Variants in PDZD8 observed in about 807,000 individuals in gnomAD.
PDZD8 encodes PDZ domain-containing protein 8.
A neutral mutation model predicts 85.8 loss-of-function variants in PDZD8; 14 were observed. The ratio of observed to expected loss-of-function variants is 0.16; its 90% CI spans 0.11 to 0.26. The LOEUF (loss-of-function observed/expected upper bound fraction) is 0.26, where lower values mean the gene tolerates loss of function less well. Among genes scored for constraint, PDZD8 ranks in the 10% least tolerant of loss-of-function variants. The probability of loss-of-function intolerance (pLI) is 1.00; values close to 1 mark genes in which losing one functional copy is unlikely to be tolerated. For synonymous variants in PDZD8, 592 were observed against 568.6 expected (o/e 1.04, Z -0.59); for missense variants, 1,197 against 1,424.3 (o/e 0.84, Z 2.57).
At position 117,333,137 on chromosome 10, in the gene PDZD8, A is replaced by AAAC. The variant is rs1564703077; in HGVS notation, c.995+7842_995+7843insGTT. On this transcript the variant is annotated intron_variant, in intron 2 of 4. Transcript: ENST00000334464. ...TGTCTCAAAAAAAAAAAAAAAAAAA[A>AAAC]AAAAAAGGGGATATGGAGGCAGAAT... Among the ~76,000 whole-genome samples, 336 of 149,210 alleles carry AAAC rather than the reference A, an allele frequency of 2.3e-3. 3 individuals carry two copies. Among genetic ancestry groups the AAAC allele is most frequent in the African/African-American group, 7.7e-3 (312 of 40,490 alleles).
At chr10:117,312,708 T>C (rs1480693148) in intron 3 of PDZD8, among the ~76,000 whole-genome samples, 2 of 152,212 alleles carry the variant, frequency 1.3e-5, no homozygotes, top group Non-Finnish European at 2.9e-5. Context: ...TTTGTATTTA[T>C]ATGCTTCCAT....
Position 117,374,245 on chromosome 10 carries a change from CA to C in PDZD8, c.872+110del. The C allele has an allele frequency of 6.7e-7, 1 of 1,497,062 alleles. No homozygotes were observed. Among genetic ancestry groups the C allele is most frequent in the African/African-American group, 1.4e-5 (1 of 72,268 alleles). 92.7% of individuals were successfully genotyped at this position (1,497,062 alleles called of 1,614,324 possible). On this transcript the variant is annotated intron_variant, in intron 1 of 4. Transcript: ENST00000334464. The surrounding 1 kb of genome is among the most constrained non-coding windows in gnomAD (Gnocchi z 7.8). ...GGCCCTGTCCAGGGTGGGAAGGCCC[CA>C]GAAGCAGGCGCCAGGACAGAAATGA...
intron 2 of PDZD8, among the ~76,000 whole-genome samples, chr10:117,323,298 A>G (rs539553333): frequency 2.8e-4 from 42 of 152,340 alleles, no homozygotes; most frequent in African/African-American, 7.7e-4. Context: ...AAAGCTAATG[A>G]AAAGCTAAAA....
chr10:117,283,299 T>A lies in PDZD8; in HGVS notation c.3434A>T (p.Asp1145Val), dbSNP rs1260246918. 2 of 1,612,962 alleles carry A rather than the reference T, an allele frequency of 1.2e-6. No individual in the cohort carries two copies. The highest frequency in any genetic ancestry group is 1.3e-5 in the African/African-American group (1 of 74,792). The change falls in exon 5 of 5, where the codon GAT becomes GTT. Residue 1145 changes from aspartate to valine, a missense_variant. This residue lies in a region of PDZD8 where 418 missense variants were observed against 571.1 expected (regional missense o/e 0.73). Transcript: ENST00000334464. ...AGACTCGGATGGGCCAAATAAGTCA[T>A]CTGATATGCTGCTGAATGGCTGAGA... ...IDSQPFSSISDDLFGPSESV is the reference protein window; with the variant it reads ...IDSQPFSSISVDLFGPSESV
intron 3 of PDZD8, among the ~76,000 whole-genome samples, chr10:117,298,482 C>T (rs1435326512): frequency 6.6e-6 from 1 of 152,104 alleles, no homozygotes; most frequent in Non-Finnish European, 1.5e-5. Context: ...AAGGAGGCTA[C>T]TCACCTTTCC....
rs750844643 is a variant in PDZD8 at position 117,284,183 on chromosome 10, G to T, written c.2550C>A (p.Asn850Lys). The change falls in exon 5 of 5, where the codon AAC becomes AAA. Residue 850 changes from asparagine to lysine, a missense_variant. Physicochemically the swap from Asn to Lys is moderately conservative, Grantham distance 94. Around this residue, in one of 4 missense-constraint regions of PDZD8, gnomAD observed 418 missense variants for 571.1 expected, o/e 0.73. Coordinates refer to ENST00000334464, the MANE Select transcript of PDZD8 (RefSeq NM_173791.5). Reference sequence around the variant, plus strand: ...TCTTACAGTAGTCACACCATGTTGGGTTCTGGAACTGAGTATCCTGAAAAC... The same window carrying T: ...TCTTACAGTAGTCACACCATGTTGGTTTCTGGAACTGAGTATCCTGAAAAC... Reference protein sequence around the residue: ...KHSFQDTQFQNPTWCDYCKKK... With the variant: ...KHSFQDTQFQKPTWCDYCKKK... 1 of 1,614,120 alleles carries T rather than the reference G, an allele frequency of 6.2e-7. No homozygotes were observed. The highest frequency in any genetic ancestry group is 8.5e-7 in the Non-Finnish European group (1 of 1,180,004).
chr10:117,361,015 A>C (rs1844987504), intron 1 of PDZD8, among the ~76,000 whole-genome samples: 1 of 152,232 alleles, frequency 6.6e-6, no homozygotes, highest in Non-Finnish European at 1.5e-5. Context: ...AAGAATATAT[A>C]AAGCTCACAT....
At position 117,283,577 on chromosome 10, in the gene PDZD8, T is replaced by C; in HGVS notation, c.3156A>G (p.Glu1052=). 3.1e-6 allele frequency: 5 copies of C among 1,614,204 alleles called. 1 individual carries two copies. In the East Asian group the frequency reaches 1.1e-4, roughly 36 times the overall value. ...CTTCTCTAACAAGGGAATTATTGTGTTCCAACTCCTGATCAATTTCATTCT... is the reference window on the plus strand; with the variant it reads ...CTTCTCTAACAAGGGAATTATTGTGCTCCAACTCCTGATCAATTTCATTCT... The part of the protein sequence containing the change: ...KLQNEIDQEL[E]HNNSLVREEK... The change falls in exon 5 of 5, where the codon GAA becomes GAG. Residue 1052 remains glutamate (E), a synonymous_variant. Coordinates refer to ENST00000334464, the MANE Select transcript of PDZD8 (RefSeq NM_173791.5).
At chr10:117,335,886 C>T (rs1844508483) in intron 2 of PDZD8, among the ~76,000 whole-genome samples, 1 of 152,188 alleles carries the variant, frequency 6.6e-6, no homozygotes, top group Middle Eastern at 3.4e-3. Context: ...AATAAAAGTG[C>T]CGATGTTGTT....
chr10:117,296,059 C>A (rs1225416347), intron 3 of PDZD8, among the ~76,000 whole-genome samples: 1 of 151,356 alleles, frequency 6.6e-6, no homozygotes, highest in African/African-American at 2.4e-5. Context: ...ATACTATGAT[C>A]CTATACATAG....
intron 1 of PDZD8, among the ~76,000 whole-genome samples, chr10:117,355,973 T>C (rs1050025004): frequency 6.6e-6 from 1 of 152,140 alleles, no homozygotes; most frequent in African/African-American, 2.4e-5. Flanking sequence ...GTATATCATG[T>C]TCTATTTTTT....
chr10:117,347,840 A>AGCCACAAGGATCAGATATTATAT (rs1844735764), intron 1 of PDZD8, among the ~76,000 whole-genome samples: 1 of 152,220 alleles, frequency 6.6e-6, no homozygotes, highest in Non-Finnish European at 1.5e-5. Flanking sequence ...TACGTCCTGA[A>AGCCACAAGGATCAGATATTATAT]GCCACAAGGA....
At chr10:117,346,275 G>A (rs923715761) in intron 1 of PDZD8, among the ~76,000 whole-genome samples, 2 of 147,752 alleles carry the variant, frequency 1.4e-5, no homozygotes, top group East Asian at 4.0e-4. Flanking sequence ...TTATGACAAT[G>A]TTACACTAAA....
At chr10:117,286,109 T>C (rs1380051822) in intron 4 of PDZD8, among the ~76,000 whole-genome samples, 1 of 152,238 alleles carries the variant, frequency 6.6e-6, no homozygotes, top group Non-Finnish European at 1.5e-5. Flanking sequence ...GGTTACTATC[T>C]GCATCTGTAA....
chr10:117,362,162 G>A (rs1018633757), intron 1 of PDZD8, among the ~76,000 whole-genome samples: 3 of 152,108 alleles, frequency 2.0e-5, no homozygotes, highest in Non-Finnish European at 2.9e-5. Flanking sequence ...GCATCTGCTA[G>A]TTTATAAGTA....
intron 3 of PDZD8, among the ~76,000 whole-genome samples, chr10:117,292,628 AG>A (rs1844789025): frequency 6.6e-6 from 1 of 151,606 alleles, no homozygotes; most frequent in Admixed American, 6.6e-5. Flanking sequence ...ATGGAGATTC[AG>A]GGGGTAGGAT....
intron 4 of PDZD8, among the ~76,000 whole-genome samples, chr10:117,286,242 A>T (rs1209936851): frequency 6.6e-6 from 1 of 152,218 alleles, no homozygotes; most frequent in Admixed American, 6.5e-5. Flanking sequence ...TCTCCCAGCC[A>T]TACTGTCCCT....
In PDZD8 at chr10:117,350,473, C is replaced by T. The variant is rs185461596; in HGVS notation, c.873-9371G>A. On this transcript the variant is annotated intron_variant, in intron 1 of 4. Transcript: ENST00000334464. ...TAGAGACGAGGTTTCACTGTGTAGGCCAGGCTGGTCTCGAACTCCTGACCT... is the reference window on the plus strand; with the variant it reads ...TAGAGACGAGGTTTCACTGTGTAGGTCAGGCTGGTCTCGAACTCCTGACCT... Among the ~76,000 whole-genome samples the T allele has an allele frequency of 8.9e-3, 1,347 of 150,838 alleles. 18 individuals are homozygous for T. Among genetic ancestry groups the T allele is most frequent in the African/African-American group, 0.031 (1,276 of 41,144 alleles).
At chr10:117,319,508 C>G (rs1844191796) in intron 2 of PDZD8, among the ~76,000 whole-genome samples, 1 of 151,828 alleles carries the variant, frequency 6.6e-6, no homozygotes, top group Non-Finnish European at 1.5e-5. Context: ...CCTCTAGAAA[C>G]TCTGGGCAAA....
Sources: allele counts gnomAD v4.1 joint callset (sites outside exome capture counted in the v4.1 genomes callset), GRCh38; gene constraint gnomAD v4.1.1; regional missense constraint gnomAD v4.1.1; non-coding constraint Gnocchi (gnomAD v3.1); transcripts MANE v1.5; gene names NCBI Gene and HGNC (gene_info 2026-07-23, HGNC 2026-07-21).